The following CYP2B6 variants were observed in gnomAD, a reference collection of about 807,000 sequenced individuals.
CYP2B6 encodes the protein cytochrome P450 family 2 subfamily B member 6.
A neutral mutation model predicts 43.4 loss-of-function variants in CYP2B6; 35 were observed. That is an observed-to-expected ratio of 0.81 (90% CI 0.62 to 1.07). The LOEUF (loss-of-function observed/expected upper bound fraction) is 1.07, where lower values mean the gene tolerates loss of function less well. CYP2B6 is among the 50% of genes least tolerant of loss of function. The pLI is 0.00. For synonymous variants in CYP2B6, 239 were observed against 239.2 expected (o/e 1.00, Z 0.01); for missense variants, 624 against 632.8 (o/e 0.99, Z 0.15).
Position 41,016,651 on chromosome 19 carries a change from C to T in CYP2B6, c.1300C>T (p.Arg434Trp), listed in dbSNP as rs370591767. 33 of 1,613,968 alleles carry T rather than the reference C, an allele frequency of 2.0e-5. No individual in the cohort carries two copies. The highest frequency in any genetic ancestry group is 3.3e-5 in the South Asian group (3 of 91,084). The stretch of plus-strand genomic sequence containing the variant: ...GTGACCTTCTGTGTCCACAGGGAAG[C>T]GGATTTGTCTTGGTGAAGGCATCGC... ...EAFIPFSLGK[R>W]ICLGEGIARA... Residue 434 changes from arginine to tryptophan, a missense_variant, in exon 9 of 9, where the codon CGG becomes TGG. Transcript: ENST00000324071.
At position 41,017,460 on chromosome 19, in the gene CYP2B6, T is replaced by G. The variant is rs1460572577; in HGVS notation, c.*633T>G. Reference sequence around the variant, plus strand: ...TCACAAAGCTGTACAACCACCACCATCTAGTTCCAAACATTTTCTTTTTTT... The same window carrying G: ...TCACAAAGCTGTACAACCACCACCAGCTAGTTCCAAACATTTTCTTTTTTT... On this transcript the variant is annotated 3_prime_UTR_variant, in exon 9 of 9. Transcript: ENST00000324071. 1 of 152,096 alleles carries G rather than the reference T, an allele frequency of 6.6e-6. No individual in the cohort carries two copies. Among genetic ancestry groups the G allele is most frequent in the Non-Finnish European group, 1.5e-5 (1 of 68,032 alleles). 9.4% of individuals were successfully genotyped at this position (152,096 alleles called of 1,614,324 possible). A position where few individuals can be genotyped will look rare whatever the true frequency, so the allele number is the denominator to read the frequency against.
In CYP2B6 at chr19:41,016,617, C is replaced by CCCA. The variant is rs773855178; in HGVS notation, c.1295-27_1295-25dup. 6.8e-6 allele frequency: 11 copies of CCCA among 1,613,066 alleles called. No homozygotes were observed. The South Asian group carries it at 1.2e-4, about 18-fold the overall frequency. ...GCGAAGTGTATGCACCTGCCCTGTG[C>CCCA]CCACACTGGTGACCTTCTGTGTCCA... On this transcript the variant is annotated intron_variant, in intron 8 of 8. Coordinates refer to ENST00000324071, the MANE Select transcript of CYP2B6 (RefSeq NM_000767.5).
At chr19:40,999,911 C>T (rs1363055612) in intron 1 of CYP2B6, among the ~76,000 whole-genome samples, 3 of 152,020 alleles carry the variant, frequency 2.0e-5, no homozygotes, top group Non-Finnish European at 4.4e-5. Context: ...CTAGGCTGGT[C>T]TCGAACTCCT....
At chr19:41,015,254 TG>T (rs1969343861) in intron 8 of CYP2B6, among the ~76,000 whole-genome samples, 1 of 152,080 alleles carries the variant, frequency 6.6e-6, no homozygotes, top group Non-Finnish European at 1.5e-5. Flanking sequence ...GAGGGCGTGA[TG>T]AGAGGGAGAT....
chr19:40,993,745 T>A lies in CYP2B6; in HGVS notation c.171+2269T>A, dbSNP rs368924129. Among the ~76,000 whole-genome samples the A allele has an allele frequency of 3.9e-5, 6 of 152,274 alleles. No individual in the cohort carries two copies. In the East Asian group the frequency reaches 7.7e-4, roughly 20 times the overall value. On this transcript the variant is annotated intron_variant, in intron 1 of 8. Coordinates refer to ENST00000324071, the MANE Select transcript of CYP2B6 (RefSeq NM_000767.5). ...ATCTGTTTCTTTCCCCTGAGAAATGTCCTTAGTGTATTTGTGGCAGTGTCT... is the reference window on the plus strand; with the variant it reads ...ATCTGTTTCTTTCCCCTGAGAAATGACCTTAGTGTATTTGTGGCAGTGTCT...
chr19:41,002,354 T>C (rs1242062396), intron 1 of CYP2B6, among the ~76,000 whole-genome samples: 2 of 152,142 alleles, frequency 1.3e-5, no homozygotes, highest in Non-Finnish European at 2.9e-5. Flanking sequence ...GTCAAGTTTT[T>C]ATTGAACTTG....
Position 41,016,433 on chromosome 19 carries a change from A to AAG in CYP2B6, c.1295-201_1295-200dup, listed in dbSNP as rs1555793763. The stretch of plus-strand genomic sequence containing the variant: ...AAAAAAAAAAAAAAAAAAAAAAAAA[A>AAG]AGAGAGAGAGAGAAATGAACGTGGC... On this transcript the variant is annotated intron_variant, in intron 8 of 8. Coordinates refer to ENST00000324071, the MANE Select transcript of CYP2B6 (RefSeq NM_000767.5). Among the ~76,000 whole-genome samples the AAG allele has an allele frequency of 2.2e-3, 219 of 98,966 alleles. 1 individual carries two copies. Among genetic ancestry groups the AAG allele is most frequent in the East Asian group, 3.7e-3 (11 of 2,960 alleles). The allele number at this position is 98,966 out of a possible 152,430, so 64.9% of individuals were successfully genotyped here.
intron 8 of CYP2B6, among the ~76,000 whole-genome samples, chr19:41,013,187 A>G (rs1417113324): frequency 1.1e-4 from 16 of 152,200 alleles, no homozygotes; most frequent in Admixed American, 5.2e-4. Flanking sequence ...GGAAATTTAA[A>G]GTCCAGCAGG....
intron 1 of CYP2B6, among the ~76,000 whole-genome samples, chr19:40,999,720 A>G (rs1159686781): frequency 5.9e-5 from 9 of 152,092 alleles, no homozygotes; most frequent in Admixed American, 5.9e-4. Context: ...ACAGGGTCTC[A>G]GTCTGTTACC....
intron 1 of CYP2B6, among the ~76,000 whole-genome samples, chr19:40,998,082 C>T (rs372861779): frequency 5.3e-5 from 8 of 152,010 alleles, no homozygotes; most frequent in Admixed American, 3.3e-4. Context: ...AGCCTGGGCA[C>T]AGAGCAAGAC....
intron 1 of CYP2B6, among the ~76,000 whole-genome samples, chr19:41,000,061 G>T (rs1422984325): frequency 1.3e-5 from 2 of 152,056 alleles, no homozygotes; most frequent in Non-Finnish European, 2.9e-5. Context: ...AATTGTTTTT[G>T]TCGTTGTTAT....
intron 1 of CYP2B6, among the ~76,000 whole-genome samples, chr19:40,997,942 GT>G (rs1020013831): frequency 2.6e-5 from 4 of 151,938 alleles, no homozygotes; most frequent in African/African-American, 9.7e-5. Context: ...CTACAAAAAA[GT>G]TTTAAAAATT....
chr19:41,012,376 A>G lies in CYP2B6; in HGVS notation c.1043A>G (p.Tyr348Cys). The change falls in exon 7 of 9, where the codon TAC (tyrosine) becomes TGC (cysteine). Residue 348 changes from tyrosine to cysteine, a missense_variant. Coordinates refer to ENST00000324071, the MANE Select transcript of CYP2B6 (RefSeq NM_000767.5). ...PELHDRAKMP[Y>C]TEAVIYEIQR... ...CTTCATGACCGAGCCAAAATGCCAT[A>G]CACAGAGGCAGTCATCTATGAGATT... 6.2e-7 allele frequency: 1 copy of G among 1,614,150 alleles called. No homozygotes were observed.
intron 1 of CYP2B6, among the ~76,000 whole-genome samples, chr19:40,999,499 G>A (rs1203291235): frequency 6.6e-6 from 1 of 152,034 alleles, no homozygotes; most frequent in Non-Finnish European, 1.5e-5. Context: ...CCTTGCCCAT[G>A]CCTATGTCCT....
At chr19:40,993,745 T>G (rs368924129) in intron 1 of CYP2B6, among the ~76,000 whole-genome samples, 1 of 152,156 alleles carries the variant, frequency 6.6e-6, no homozygotes, top group African/African-American at 2.4e-5. Flanking sequence ...CTGAGAAATG[T>G]CCTTAGTGTA....
At chr19:41,008,332 C>T (rs1485562450) in intron 4 of CYP2B6, among the ~76,000 whole-genome samples, 1 of 148,386 alleles carries the variant, frequency 6.7e-6, no homozygotes, top group Non-Finnish European at 1.5e-5. Flanking sequence ...ATGGCTCAGC[C>T]TCCCGAGCAG....
intron 4 of CYP2B6, chr19:41,007,401 A>C (rs1427934020): frequency 3.2e-6 from 1 of 307,744 alleles, no homozygotes; most frequent in Non-Finnish European, 6.2e-6. Context: ...AAAGAGAGGG[A>C]GAGAGAGAGA....
At chr19:41,016,399 CAAAAAAA>C (rs869180190) in intron 8 of CYP2B6, among the ~76,000 whole-genome samples, 6 of 76,844 alleles carry the variant, frequency 7.8e-5, no homozygotes, top group African/African-American at 2.1e-4. Context: ...GACTCCATCT[CAAAAAAA>C]AAAAAAAAAA....
intron 1 of CYP2B6, among the ~76,000 whole-genome samples, chr19:40,996,605 T>C (rs926935776): frequency 6.6e-6 from 1 of 152,162 alleles, no homozygotes; most frequent in Non-Finnish European, 1.5e-5. Flanking sequence ...ATATTAGTTA[T>C]AAACCATTTA....
Sources: allele counts gnomAD v4.1 joint callset (sites outside exome capture counted in the v4.1 genomes callset), GRCh38; gene constraint gnomAD v4.1.1; transcripts MANE v1.5; gene names NCBI Gene and HGNC (gene_info 2026-07-23, HGNC 2026-07-21).